CPEB3: variants seen among roughly 807,000 people sequenced by gnomAD.
CPEB3 encodes the protein cytoplasmic polyadenylation element binding protein 3, also known as cytoplasmic polyadenylation element-binding protein 3.
In CPEB3, 20 loss-of-function variants were observed where a neutral mutation model predicts 67.2. That is an observed-to-expected ratio of 0.30 (90% CI 0.21 to 0.43). The LOEUF is 0.43. Among genes scored for constraint, CPEB3 ranks in the 20% least tolerant of loss-of-function variants. The pLI is 1.00. For synonymous variants in CPEB3, 376 were observed against 393.1 expected (o/e 0.96, Z 0.51); for missense variants, 746 against 968.6 (o/e 0.77, Z 3.05).
intron 1 of CPEB3, among the ~76,000 whole-genome samples, chr10:92,244,595 G>A (rs1049679096): frequency 6.6e-6 from 1 of 151,388 alleles, no homozygotes; most frequent in Admixed American, 6.6e-5. Context: ...ATGCCACCAC[G>A]CCCGGCTCAT....
chr10:92,122,762 T>C (rs1427668660), intron 6 of CPEB3, among the ~76,000 whole-genome samples: 1 of 152,192 alleles, frequency 6.6e-6, no homozygotes, highest in Non-Finnish European at 1.5e-5. Flanking sequence ...AAAGGCTTTC[T>C]GTAGGTGGTG....
chr10:92,226,249 A>G (rs2134500070), intron 2 of CPEB3, among the ~76,000 whole-genome samples: 1 of 152,332 alleles, frequency 6.6e-6, no homozygotes, highest in Non-Finnish European at 1.5e-5. Context: ...AGGCTTCCCA[A>G]CCACACACAA....
intron 2 of CPEB3, among the ~76,000 whole-genome samples, chr10:92,198,373 C>G (rs1849342182): frequency 1.3e-5 from 2 of 151,954 alleles, no homozygotes; most frequent in South Asian, 4.1e-4. Context: ...CAACTTGACC[C>G]TCACTTGCCC....
At chr10:92,217,052 A>AAG (rs1644111705) in intron 2 of CPEB3, among the ~76,000 whole-genome samples, 1 of 150,466 alleles carries the variant, frequency 6.6e-6, no homozygotes, top group East Asian at 1.9e-4. Flanking sequence ...AAAAAAAAAA[A>AAG]AAAAAATTGG....
chr10:92,196,872 C>T (rs1849265102), intron 2 of CPEB3, among the ~76,000 whole-genome samples: 1 of 150,860 alleles, frequency 6.6e-6, no homozygotes, highest in Non-Finnish European at 1.5e-5. Flanking sequence ...GTGGAGGTTG[C>T]AGTGAGCCTA....
intron 2 of CPEB3, among the ~76,000 whole-genome samples, chr10:92,218,458 T>C (rs996048689): frequency 1.1e-4 from 17 of 152,256 alleles, no homozygotes; most frequent in African/African-American, 3.9e-4. Flanking sequence ...AAGAGAAATT[T>C]TGACTTTTAG....
chr10:92,207,919 G>A (rs1262722839), intron 2 of CPEB3, among the ~76,000 whole-genome samples: 2 of 152,114 alleles, frequency 1.3e-5, no homozygotes, highest in African/African-American at 4.8e-5. Flanking sequence ...ACAGTACTGG[G>A]CACATAGCCA....
intron 2 of CPEB3, among the ~76,000 whole-genome samples, chr10:92,217,065 G>C (rs888070161): frequency 1.3e-5 from 2 of 148,672 alleles, no homozygotes; most frequent in Non-Finnish European, 1.5e-5. Flanking sequence ...AAAATTGGCT[G>C]GGCATAGTGG....
rs749285662 is a variant in CPEB3, at chr10:92,289,718, C to CAAAAAAAAAAAAAA, written c.-12+1194_-12+1207dup. ...CAACATGGCGAGACCGCGTCTCTAC[C>CAAAAAAAAAAAAAA]AAAAAAAAAAAAAAATATATATATA... On this transcript the variant is annotated intron_variant, in intron 1 of 9. Coordinates refer to ENST00000265997, the MANE Select transcript of CPEB3 (RefSeq NM_014912.5). 2.6e-3 allele frequency among the ~76,000 whole-genome samples: 80 copies of CAAAAAAAAAAAAAA among 30,912 alleles called. 7 individuals are homozygous for CAAAAAAAAAAAAAA. The highest frequency in any genetic ancestry group is 6.5e-3 in the East Asian group (10 of 1,548). 20.3% of individuals were successfully genotyped at this position (30,912 alleles called of 152,430 possible). A position where few individuals can be genotyped will look rare whatever the true frequency, so the allele number is the denominator to read the frequency against.
rs780757034 is a variant in CPEB3, at chr10:92,190,665, C to CAAAAAAA, written c.1165+1805_1165+1811dup. ...GGGCAACAAGAGCGAAACTCCATCTCAAAAAAAAAAAAAAAAAAAAAAAAA... is the reference window on the plus strand; with the variant it reads ...GGGCAACAAGAGCGAAACTCCATCTCAAAAAAAAAAAAAAAAAAAAAAAAAAAAAAAA... On this transcript the variant is annotated intron_variant, in intron 3 of 9. Coordinates refer to ENST00000265997, the MANE Select transcript of CPEB3 (RefSeq NM_014912.5). 5.6e-4 allele frequency among the ~76,000 whole-genome samples: 44 copies of CAAAAAAA among 78,394 alleles called. 1 individual carries two copies. Among genetic ancestry groups the CAAAAAAA allele is most frequent in the Non-Finnish European group, 7.9e-4 (34 of 43,160 alleles). The allele number at this position is 78,394 out of a possible 152,430, so 51.4% of individuals were successfully genotyped here.
At chr10:92,133,965 CA>C (rs1264193991) in intron 6 of CPEB3, among the ~76,000 whole-genome samples, 1 of 152,220 alleles carries the variant, frequency 6.6e-6, no homozygotes, top group Non-Finnish European at 1.5e-5. Context: ...CAAAATTCAG[CA>C]GCCCTTCATG....
At chr10:92,216,436 G>T in intron 2 of CPEB3, 1 of 1,612,512 alleles carries the variant, frequency 6.2e-7, no homozygotes, top group Non-Finnish European at 8.5e-7. Flanking sequence ...ACCCCATCGC[G>T]CAGCTCCTGG....
intron 4 of CPEB3, among the ~76,000 whole-genome samples, chr10:92,172,305 A>G (rs2134025919): frequency 6.6e-6 from 1 of 152,302 alleles, no homozygotes; most frequent in Non-Finnish European, 1.5e-5. Context: ...CAACAACAAA[A>G]AAAACACAAA....
At position 92,271,063 on chromosome 10, in the gene CPEB3, G is replaced by A. The variant is rs372625601; in HGVS notation, c.-12+19863C>T. ...ATGGTGGCAGGCACCTGTAGTCCCAGCCCCAGTCACTCAGGAGGCCGAGGC... is the reference window on the plus strand; with the variant it reads ...ATGGTGGCAGGCACCTGTAGTCCCAACCCCAGTCACTCAGGAGGCCGAGGC... On this transcript the variant is annotated intron_variant, in intron 1 of 9. Transcript: ENST00000265997. 7.9e-5 allele frequency among the ~76,000 whole-genome samples: 12 copies of A among 152,128 alleles called. No homozygotes were observed. The East Asian group carries it at 1.8e-3, about 22-fold the overall frequency.
At chr10:92,235,664 G>A (rs1245855589) in intron 2 of CPEB3, among the ~76,000 whole-genome samples, 6 of 152,116 alleles carry the variant, frequency 3.9e-5, no homozygotes, top group African/African-American at 1.2e-4. Flanking sequence ...GAACCAGCAC[G>A]TTTATATAAT....
At chr10:92,191,607 T>C (rs1182616867) in intron 3 of CPEB3, among the ~76,000 whole-genome samples, 8 of 152,054 alleles carry the variant, frequency 5.3e-5, no homozygotes, top group Admixed American at 5.2e-4. Context: ...AATATGGGCC[T>C]AGAGAGAACC....
intron 4 of CPEB3, among the ~76,000 whole-genome samples, chr10:92,156,736 A>G (rs1325262950): frequency 2.0e-5 from 3 of 152,166 alleles, no homozygotes; most frequent in Non-Finnish European, 4.4e-5. Flanking sequence ...AAATTTAATG[A>G]TATTTATTTC....
chr10:92,135,674 G>T (rs959865619), intron 6 of CPEB3, among the ~76,000 whole-genome samples: 4 of 151,994 alleles, frequency 2.6e-5, no homozygotes, highest in African/African-American at 9.7e-5. Flanking sequence ...AATGCCCAAA[G>T]GATTATAAAT....
intron 2 of CPEB3, among the ~76,000 whole-genome samples, chr10:92,222,250 T>A (rs1340617331): frequency 1.3e-5 from 2 of 151,810 alleles, no homozygotes; most frequent in Admixed American, 6.6e-5. Context: ...TTGCCCAGGC[T>A]GGTCTCGAAC....
Sources: gnomAD v4.1 joint callset for allele counts (sites outside exome capture counted in the v4.1 genomes callset) on GRCh38, gnomAD v4.1.1 for gene constraint, MANE v1.5 for transcripts, NCBI Gene and HGNC (gene_info 2026-07-23, HGNC 2026-07-21) for gene names.